ATG10: variants seen among roughly 807,000 people sequenced by gnomAD.
ATG10 encodes autophagy related 10.
In ATG10, 30 loss-of-function variants were observed where a neutral mutation model predicts 32.1. The observed-to-expected ratio is 0.94, with a 90% confidence interval of 0.70 to 1.27. The LOEUF (loss-of-function observed/expected upper bound fraction) is 1.27. Among genes scored for constraint, ATG10 ranks in the 50% most tolerant of loss-of-function variants. The pLI is 0.00. For synonymous variants in ATG10, 87 were observed against 91.5 expected (o/e 0.95, Z 0.28); for missense variants, 233 against 262.3 (o/e 0.89, Z 0.77).
chr5:82,098,434 C>T (rs1173241414), intron 3 of ATG10, among the ~76,000 whole-genome samples: 1 of 151,636 alleles, frequency 6.6e-6, no homozygotes, highest in Non-Finnish European at 1.5e-5. Flanking sequence ...CCTCAGCCTC[C>T]CGAGTAGCTG....
At chr5:82,008,533 C>A (rs1300994342) in intron 2 of ATG10, among the ~76,000 whole-genome samples, 1 of 130,128 alleles carries the variant, frequency 7.7e-6, no homozygotes, top group Non-Finnish European at 1.6e-5. Context: ...ATTATCAAAA[C>A]TATCTGAGAA....
intron 3 of ATG10, among the ~76,000 whole-genome samples, chr5:82,157,858 A>G (rs1767867445): frequency 6.6e-6 from 1 of 152,186 alleles, no homozygotes; most frequent in South Asian, 2.1e-4. Flanking sequence ...TGAACTAAAG[A>G]CCTGACTGGT....
chr5:82,143,886 T>C (rs963230636), intron 3 of ATG10, among the ~76,000 whole-genome samples: 55 of 152,352 alleles, frequency 3.6e-4, no homozygotes, highest in African/African-American at 1.3e-3. Flanking sequence ...TCTTCTATTT[T>C]GGAAAGATTT....
chr5:82,012,258 G>T (rs1762146071), intron 2 of ATG10, among the ~76,000 whole-genome samples: 1 of 152,202 alleles, frequency 6.6e-6, no homozygotes, highest in African/African-American at 2.4e-5. Context: ...TTGATTCCCA[G>T]TTCCCTGAAA....
intron 3 of ATG10, among the ~76,000 whole-genome samples, chr5:82,124,709 G>A (rs1021584913): frequency 2.0e-5 from 3 of 151,972 alleles, no homozygotes; most frequent in South Asian, 2.1e-4. Flanking sequence ...ATTTGGGTTG[G>A]TTCCAAGTCC....
At chr5:81,988,029 G>T (rs1285727687) in intron 2 of ATG10, among the ~76,000 whole-genome samples, 1 of 152,142 alleles carries the variant, frequency 6.6e-6, no homozygotes, top group African/African-American at 2.4e-5. Flanking sequence ...AACTACTTTC[G>T]TCTGGAGAGT....
At chr5:81,979,530 A>T (rs58416514) in intron 1 of ATG10, among the ~76,000 whole-genome samples, 10,747 of 152,178 alleles carry the variant, frequency 0.071, 1,241 homozygotes, top group African/African-American at 0.24. Context: ...TCCGTCTCAA[A>T]AAAAAAATGT....
intron 3 of ATG10, among the ~76,000 whole-genome samples, chr5:82,150,122 C>T (rs977358599): frequency 6.6e-6 from 1 of 151,762 alleles, no homozygotes; most frequent in Non-Finnish European, 1.5e-5. Context: ...AACATCTGCT[C>T]AGTAGTCTGC....
intron 2 of ATG10, among the ~76,000 whole-genome samples, chr5:82,050,733 G>A (rs947141056): frequency 1.3e-5 from 2 of 150,758 alleles, no homozygotes; most frequent in South Asian, 2.1e-4. Flanking sequence ...TGGGTGTGGT[G>A]GCTTACACCT....
intron 5 of ATG10, among the ~76,000 whole-genome samples, chr5:82,181,238 T>C (rs1310494722): frequency 2.0e-5 from 3 of 152,154 alleles, no homozygotes; most frequent in Non-Finnish European, 4.4e-5. Flanking sequence ...GAATTGATCT[T>C]ATTGGGATTT....
In ATG10 at chr5:82,255,841, T is replaced by C. The variant is rs894338355; in HGVS notation, c.*1778T>C. 1.3e-5 allele frequency: 2 copies of C among 152,134 alleles called. No individual in the cohort carries two copies. Among genetic ancestry groups the C allele is most frequent in the Non-Finnish European group, 2.9e-5 (2 of 68,012 alleles). 9.4% of individuals were successfully genotyped at this position (152,134 alleles called of 1,614,324 possible). A position where few individuals can be genotyped will look rare whatever the true frequency, so the allele number is the denominator to read the frequency against. ...ACCGTGACAGCACCCTCAGTCCACG[T>C]CTGCAGATTAAGAGCTGAACTCTCA... On this transcript the variant is annotated 3_prime_UTR_variant, in exon 8 of 8. Coordinates refer to ENST00000282185, the MANE Select transcript of ATG10 (RefSeq NM_031482.5).
intron 3 of ATG10, among the ~76,000 whole-genome samples, chr5:82,072,344 C>T (rs557961396): frequency 6.6e-6 from 1 of 152,104 alleles, no homozygotes; most frequent in Non-Finnish European, 1.5e-5. Flanking sequence ...CGGGTGACAG[C>T]TCTGCCCAGA....
At chr5:82,000,557 C>G (rs891641973) in intron 2 of ATG10, among the ~76,000 whole-genome samples, 3 of 152,144 alleles carry the variant, frequency 2.0e-5, no homozygotes, top group Non-Finnish European at 4.4e-5. Context: ...TGATTCTATA[C>G]CAAGAAAACC....
At chr5:82,203,882 T>A (rs1366182559) in intron 5 of ATG10, among the ~76,000 whole-genome samples, 1 of 152,162 alleles carries the variant, frequency 6.6e-6, no homozygotes, top group Admixed American at 6.5e-5. Context: ...TATTTAACAC[T>A]TTTATTGCGG....
chr5:82,114,944 C>T (rs1765744451), intron 3 of ATG10, among the ~76,000 whole-genome samples: 1 of 152,022 alleles, frequency 6.6e-6, no homozygotes, highest in Non-Finnish European at 1.5e-5. Context: ...ATATTAAGCA[C>T]TTGAAATGTG....
At chr5:82,108,917 G>A (rs896269561) in intron 3 of ATG10, among the ~76,000 whole-genome samples, 4 of 151,940 alleles carry the variant, frequency 2.6e-5, no homozygotes, top group Non-Finnish European at 4.4e-5. Context: ...ATTCCATTTT[G>A]GCATGTCAGA....
chr5:82,008,522 GATT>G (rs1346856713), intron 2 of ATG10, among the ~76,000 whole-genome samples: 2 of 150,708 alleles, frequency 1.3e-5, no homozygotes, highest in African/African-American at 5.0e-5. Context: ...TATTTTTAAA[GATT>G]ATCAAAACTA....
rs1479845772 is a variant in ATG10 at position 82,191,462 on chromosome 5, C to T, written c.453+12875C>T. On this transcript the variant is annotated intron_variant, in intron 5 of 7. Transcript: ENST00000282185. ...CCCTTAAGGTCTGCTCTTTTAAGCACGGAAATACTACTTCACACATATTCT... is the reference window on the plus strand; with the variant it reads ...CCCTTAAGGTCTGCTCTTTTAAGCATGGAAATACTACTTCACACATATTCT... Among the ~76,000 whole-genome samples the T allele has an allele frequency of 2.6e-5, 4 of 152,116 alleles. No individual in the cohort carries two copies. The South Asian group carries it at 6.2e-4, about 24-fold the overall frequency.
intron 1 of ATG10, chr5:81,976,313 G>A (rs111558248): frequency 6.5e-6 from 1 of 152,824 alleles, no homozygotes; most frequent in Non-Finnish European, 1.5e-5. Flanking sequence ...CCGGCCTGTT[G>A]TACAGTTATT....
Sources: allele counts gnomAD v4.1 joint callset (sites outside exome capture counted in the v4.1 genomes callset), GRCh38; gene constraint gnomAD v4.1.1; transcripts MANE v1.5; gene names NCBI Gene and HGNC (gene_info 2026-07-23, HGNC 2026-07-21).